The following SLC9C1 variants were observed in gnomAD, a reference collection of about 807,000 sequenced individuals.
SLC9C1 encodes the protein sodium/hydrogen exchanger 10.
Under a neutral mutation model 140.9 loss-of-function variants are expected in SLC9C1, and 97 were observed. That is an observed-to-expected ratio of 0.69 (90% CI 0.58 to 0.82). The LOEUF is 0.82. Ranked by LOEUF, SLC9C1 falls within the 40% of genes least tolerant of loss-of-function variation. The pLI is 0.00. For synonymous variants in SLC9C1, 440 were observed against 442.6 expected, an observed-to-expected ratio of 0.99 and a Z score of 0.07; for missense variants, 1,340 against 1,389.3, an observed-to-expected ratio of 0.96 and a Z score of 0.56.
intron 25 of SLC9C1, 65 bp from the exon 26 acceptor site, chr3:112,167,412 T>G (rs1169305340): frequency 6.8e-7 from 1 of 1,469,884 alleles, no homozygotes; most frequent in African/African-American, 1.4e-5. Flanking sequence ...ATTTACCTAG[T>G]AAGCTGCTAT....
chr3:112,229,258 T>C (rs1446352649), intron 13 of SLC9C1, among the ~76,000 whole-genome samples: 1 of 152,066 alleles, frequency 6.6e-6, no homozygotes, highest in East Asian at 1.9e-4. Flanking sequence ...TCTAGTGTTC[T>C]ACAGCACTGC....
intron 26 of SLC9C1, among the ~76,000 whole-genome samples, chr3:112,155,348 G>A (rs1010618482): frequency 3.3e-5 from 5 of 152,138 alleles, no homozygotes; most frequent in Admixed American, 2.0e-4. Flanking sequence ...GGCCAGGCAT[G>A]TTGCTAGCAA....
At chr3:112,171,891 T>C (rs1262024337) in intron 23 of SLC9C1, among the ~76,000 whole-genome samples, 1 of 152,206 alleles carries the variant, frequency 6.6e-6, no homozygotes, top group Non-Finnish European at 1.5e-5. Context: ...GATAATTTGA[T>C]CCTTTGTCAA....
intron 1 of SLC9C1, among the ~76,000 whole-genome samples, chr3:112,289,956 T>G (rs759512333): frequency 5.9e-5 from 9 of 152,292 alleles, no homozygotes; most frequent in Non-Finnish European, 1.2e-4. Flanking sequence ...TTAATTTAAT[T>G]CTTCTGGGGT....
chr3:112,160,583 C>T (rs888240715), intron 26 of SLC9C1, among the ~76,000 whole-genome samples: 140 of 151,506 alleles, frequency 9.2e-4, no homozygotes, highest in Admixed American at 2.0e-3. Flanking sequence ...TCCATGTCCC[C>T]ACAAAGGACA....
chr3:112,150,845 T>A lies in SLC9C1; in HGVS notation c.3524+1012A>T, dbSNP rs1388923940. 6.1e-4 allele frequency among the ~76,000 whole-genome samples: 79 copies of A among 129,054 alleles called. 1 individual carries two copies. In the Middle Eastern group the frequency reaches 0.012, roughly 19 times the overall value. The allele number at this position is 129,054 out of a possible 152,430, so 84.7% of individuals were successfully genotyped here. ...ACATATATATATATATATATATTTT[T>A]TTTTTTTTTTGAGATGAAGTCTCAC... On this transcript the variant is annotated intron_variant, in intron 28 of 28. Coordinates refer to ENST00000305815, the MANE Select transcript of SLC9C1 (RefSeq NM_183061.3).
In SLC9C1 at chr3:112,264,287, A is replaced by G; in HGVS notation, c.935T>C (p.Leu312Pro). ...AFLMVFTFFGLLIPAHTYLYI... is the reference protein window; with the variant it reads ...AFLMVFTFFGPLIPAHTYLYI... ...CAAATATGTATGTGCAGGAATTAGA[A>G]GTCCAAAGAAAGTAAACACCATGAG... The change falls in exon 9 of 29, where the codon CTT becomes CCT. Residue 312 changes from leucine (L) to proline (P), a missense_variant. By Grantham distance (98) the Leu-to-Pro change is moderately conservative. Coordinates refer to ENST00000305815, the MANE Select transcript of SLC9C1 (RefSeq NM_183061.3). The G allele has an allele frequency of 6.7e-7, 1 of 1,483,556 alleles. No homozygotes were observed. The highest frequency in any genetic ancestry group is 9.0e-7 in the Non-Finnish European group (1 of 1,114,550). 91.9% of individuals were successfully genotyped at this position (1,483,556 alleles called of 1,614,324 possible). A position where few individuals can be genotyped will look rare whatever the true frequency, so the allele number is the denominator to read the frequency against.
intron 13 of SLC9C1, among the ~76,000 whole-genome samples, chr3:112,222,432 TATTG>T (rs2078566594): frequency 6.6e-6 from 1 of 152,158 alleles, no homozygotes; most frequent in Admixed American, 6.5e-5. Context: ...AAGCGAGATT[TATTG>T]ATTAAGACAC....
chr3:112,207,895 A>G (rs1371588252), intron 16 of SLC9C1, among the ~76,000 whole-genome samples: 1 of 152,174 alleles, frequency 6.6e-6, no homozygotes, highest in Non-Finnish European at 1.5e-5. Context: ...CCACCCTGCT[A>G]AGACTGAGAA....
At chr3:112,293,924 T>C (rs1337840131) in intron 1 of SLC9C1, among the ~76,000 whole-genome samples, 169 bp downstream of exon 1, 2 of 152,096 alleles carry the variant, frequency 1.3e-5, no homozygotes, top group South Asian at 2.1e-4. Context: ...TTTGGGAAAG[T>C]GTTCCATGGT....
chr3:112,225,300 A>G (rs1465486748), intron 13 of SLC9C1, among the ~76,000 whole-genome samples: 3 of 152,194 alleles, frequency 2.0e-5, no homozygotes. Context: ...TCCTTCAGAA[A>G]TCAAGTGTTT....
In SLC9C1 at chr3:112,264,238, G is replaced by A. The variant is rs758899279; in HGVS notation, c.984C>T (p.Tyr328=). 19 of 1,330,692 alleles carry A rather than the reference G, an allele frequency of 1.4e-5. No individual in the cohort carries two copies. The Admixed American group carries it at 3.2e-4, about 22-fold the overall frequency. The allele number at this position is 1,330,692 out of a possible 1,614,324, so 82.4% of individuals were successfully genotyped here. The change falls in exon 9 of 29, where the codon TAC becomes TAT. Residue 328 remains tyrosine (Y), a synonymous_variant. Coordinates refer to ENST00000305815, the MANE Select transcript of SLC9C1 (RefSeq NM_183061.3). ...ATGTTAAGTAGATATTTAATGAATA[G>A]TATATATCAACAAATTCTATATACA... The part of the protein sequence containing the change: ...TYLYIEFVDI[Y]YSLNIYLTLI...
At chr3:112,243,881 G>C (rs2079203693) in intron 11 of SLC9C1, 114 bp downstream of exon 11, 1 of 646,680 alleles carries the variant, frequency 1.5e-6, no homozygotes, top group Non-Finnish European at 2.5e-6. Flanking sequence ...TGTAGAGACG[G>C]GGGTCTCACT....
At chr3:112,214,904 A>C in intron 15 of SLC9C1, among the ~76,000 whole-genome samples, 1 of 136,974 alleles carries the variant, frequency 7.3e-6, no homozygotes, top group East Asian at 2.2e-4. Context: ...GAGACACAAC[A>C]AAAAAAGAGA....
chr3:112,190,450 G>A (rs567207042), intron 20 of SLC9C1, among the ~76,000 whole-genome samples: 79 of 152,092 alleles, frequency 5.2e-4, no homozygotes, highest in African/African-American at 1.6e-3. Context: ...ATGAATGGCC[G>A]TTGAATTTTC....
chr3:112,289,239 AAGG>A (rs1481064446), intron 1 of SLC9C1, among the ~76,000 whole-genome samples: 2 of 152,206 alleles, frequency 1.3e-5, no homozygotes, highest in Non-Finnish European at 2.9e-5. Flanking sequence ...TGTTGCGGTG[AAGG>A]AGATGACTCA....
At chr3:112,164,883 A>T (rs1226640169) in intron 26 of SLC9C1, among the ~76,000 whole-genome samples, 3 of 152,104 alleles carry the variant, frequency 2.0e-5, no homozygotes, top group East Asian at 1.9e-4. Flanking sequence ...GCTTGGTTCC[A>T]TTCTCCCCAT....
chr3:112,164,373 G>T (rs376179231), intron 26 of SLC9C1, among the ~76,000 whole-genome samples: 1 of 140,392 alleles, frequency 7.1e-6, no homozygotes, highest in African/African-American at 2.8e-5. Context: ...AGTCTCGATG[G>T]TCTTTACATT....
At chr3:112,145,709 G>A (rs1055113761) in intron 28 of SLC9C1, among the ~76,000 whole-genome samples, 8 of 148,070 alleles carry the variant, frequency 5.4e-5, no homozygotes, top group African/African-American at 2.0e-4. Flanking sequence ...GAGATTGTGT[G>A]GTCCCAGAAA....
Sources: allele counts gnomAD v4.1 joint callset (sites outside exome capture counted in the v4.1 genomes callset), GRCh38; gene constraint gnomAD v4.1.1; transcripts MANE v1.5; gene names NCBI Gene and HGNC (gene_info 2026-07-23, HGNC 2026-07-21).